The following ZNF254 variants were observed in gnomAD, a reference collection of about 807,000 sequenced individuals.
The protein encoded by ZNF254 is zinc finger protein 254.
ZNF254 carries 10 observed loss-of-function variants against 12.4 expected under a neutral mutation model. The observed-to-expected ratio is 0.80, with a 90% CI of 0.50 to 1.36. The LOEUF (loss-of-function observed/expected upper bound fraction) is 1.36, where lower values mean the gene tolerates loss of function less well. Ranked by LOEUF, ZNF254 falls within the 40% of genes most tolerant of loss-of-function variation. The pLI is 0.00. For missense variants in ZNF254, 996 were observed against 763.9 expected, an observed-to-expected ratio of 1.30 and a Z score of -3.58; for synonymous variants, 305 against 253.4, an observed-to-expected ratio of 1.20 and a Z score of -1.93.
chr19:24,125,529 C>T (rs766916351), intron 3 of ZNF254, among the ~76,000 whole-genome samples: 1 of 151,840 alleles, frequency 6.6e-6, no homozygotes, highest in Admixed American at 6.6e-5. Context: ...AGCTACTTGT[C>T]AAAATCTTAT....
intron 1 of ZNF254, among the ~76,000 whole-genome samples, chr19:24,041,410 A>G (rs1056876082): frequency 2.6e-5 from 4 of 152,252 alleles, no homozygotes; most frequent in African/African-American, 9.6e-5. Context: ...CACTCGGAGC[A>G]GCCAGCCAGC....
At chr19:24,113,356 G>A (rs1973823050) in intron 3 of ZNF254, among the ~76,000 whole-genome samples, 1 of 152,152 alleles carries the variant, frequency 6.6e-6, no homozygotes, top group Admixed American at 6.5e-5. Flanking sequence ...CTTCATCCCT[G>A]GGATGCAGGG....
intron 1 of ZNF254, among the ~76,000 whole-genome samples, chr19:24,087,770 C>CAAA (rs1972116942): frequency 6.6e-6 from 1 of 152,040 alleles, no homozygotes; most frequent in Admixed American, 6.6e-5. Flanking sequence ...AAGAATGATT[C>CAAA]AAAAATTGTA....
At chr19:24,066,737 T>TA (rs1047423326) in intron 2 of ZNF254, 1 of 143,126 alleles carries the variant, frequency 7.0e-6, no homozygotes, top group Non-Finnish European at 1.5e-5. Context: ...ACAAAACAAA[T>TA]AAAACCACAA....
In ZNF254 at chr19:24,127,593, A is replaced by G; in HGVS notation, c.1593A>G (p.Ser531=). 6.2e-7 allele frequency: 1 copy of G among 1,608,074 alleles called. No individual in the cohort carries two copies. The highest frequency in any genetic ancestry group is 1.3e-5 in the African/African-American group (1 of 74,996). The change falls in exon 4 of 4, where the codon TCA becomes TCG. Residue 531 remains serine (S), a synonymous_variant. Transcript: ENST00000357002. ...EECGKAFNWS[S]TLTKHKIIHT... ...GTGGCAAAGCCTTTAACTGGTCCTCAACTCTTACTAAACATAAGATAATTC... is the reference window on the plus strand; with the variant it reads ...GTGGCAAAGCCTTTAACTGGTCCTCGACTCTTACTAAACATAAGATAATTC...
chr19:24,097,599 T>C (rs1436007329), intron 1 of ZNF254, among the ~76,000 whole-genome samples: 2 of 151,936 alleles, frequency 1.3e-5, no homozygotes, highest in East Asian at 1.9e-4. Context: ...CTGACCAACA[T>C]GGAGAAACCC....
At chr19:24,040,375 A>C (rs557666943) in intron 1 of ZNF254, among the ~76,000 whole-genome samples, 29 of 152,230 alleles carry the variant, frequency 1.9e-4, no homozygotes, top group Non-Finnish European at 3.4e-4. Flanking sequence ...TTCTTTCTCA[A>C]TGAAACCAGT....
chr19:24,099,113 C>T (rs1972850751), intron 1 of ZNF254: 1 of 148,880 alleles, frequency 6.7e-6, no homozygotes, highest in Non-Finnish European at 1.5e-5. Flanking sequence ...TCTTCTGCCT[C>T]AGCCTCCGAG....
At chr19:24,091,419 CT>C (rs1418857684) in intron 1 of ZNF254, among the ~76,000 whole-genome samples, 1 of 151,742 alleles carries the variant, frequency 6.6e-6, no homozygotes, top group Non-Finnish European at 1.5e-5. Context: ...TTCCTGAAAA[CT>C]TCAATTCCTT....
intron 1 of ZNF254, among the ~76,000 whole-genome samples, chr19:24,096,190 T>A (rs1362935576): frequency 6.6e-6 from 1 of 151,680 alleles, no homozygotes; most frequent in Non-Finnish European, 1.5e-5. Flanking sequence ...TTTCAAGTAG[T>A]TGGGATTACA....
Position 24,109,522 on chromosome 19 carries a change from A to G in ZNF254, c.253+2879A>G, listed in dbSNP as rs113982082. On this transcript the variant is annotated intron_variant, in intron 3 of 3. Coordinates refer to ENST00000357002, the MANE Select transcript of ZNF254 (RefSeq NM_203282.4). ...ATTTCGTGCATTATAATTTTAGACA[A>G]TCGGCAATTCTGTTTGTATACTTTA... Among the ~76,000 whole-genome samples, 422 of 152,214 alleles carry G rather than the reference A, an allele frequency of 2.8e-3. 1 individual carries two copies. The highest frequency in any genetic ancestry group is 4.8e-3 in the Non-Finnish European group (329 of 68,024).
At chr19:24,088,813 C>A (rs145860532) in intron 1 of ZNF254, among the ~76,000 whole-genome samples, 37 of 151,914 alleles carry the variant, frequency 2.4e-4, no homozygotes, top group African/African-American at 7.2e-4. Flanking sequence ...CCCGCCCCCA[C>A]GCCTGGCTAA....
intron 2 of ZNF254, chr19:24,066,152 T>C (rs942837754): frequency 1.3e-5 from 2 of 152,214 alleles, no homozygotes; most frequent in African/African-American, 4.8e-5. Context: ...CCAGGAGATG[T>C]GACTCTCCTT....
At chr19:24,050,501 A>G (rs939476305) in intron 2 of ZNF254, among the ~76,000 whole-genome samples, 4 of 152,092 alleles carry the variant, frequency 2.6e-5, no homozygotes, top group Non-Finnish European at 4.4e-5. Flanking sequence ...TTACCTGGAC[A>G]TTGACCAAAT....
chr19:24,129,847 T>C lies in ZNF254; in HGVS notation c.*1867T>C, dbSNP rs1054323630. The C allele has an allele frequency of 6.6e-6, 1 of 151,984 alleles. No homozygotes were observed. Among genetic ancestry groups the C allele is most frequent in the Non-Finnish European group, 1.5e-5 (1 of 67,946 alleles). The allele number at this position is 151,984 out of a possible 1,614,324, so 9.4% of individuals were successfully genotyped here. On this transcript the variant is annotated 3_prime_UTR_variant, in exon 4 of 4. Coordinates refer to ENST00000357002, the MANE Select transcript of ZNF254 (RefSeq NM_203282.4). ...AGTTCTGAATAAATATTTTTAAAAA[T>C]TTTAATATATTTTTCTTTGAATATG...
Position 24,126,314 on chromosome 19 carries a change from A to C in ZNF254, c.314A>C (p.Gln105Pro), listed in dbSNP as rs1974831849. ...GAGCAGGGCATGGAAGATTCTTTTCAAAAAGCAATACTGAGAAGATATGGA... is the reference window on the plus strand; with the variant it reads ...GAGCAGGGCATGGAAGATTCTTTTCCAAAAGCAATACTGAGAAGATATGGA... The part of the protein sequence containing the change: ...WPEQGMEDSF[Q>P]KAILRRYGKY... Residue 105 changes from glutamine to proline, a missense_variant, in exon 4 of 4, where the codon CAA becomes CCA. By Grantham distance (76) the Gln-to-Pro change is moderately conservative. Coordinates refer to ENST00000357002, the MANE Select transcript of ZNF254 (RefSeq NM_203282.4). 1 of 1,588,832 alleles carries C rather than the reference A, an allele frequency of 6.3e-7. No homozygotes were observed. Among genetic ancestry groups the C allele is most frequent in the Admixed American group, 1.8e-5 (1 of 55,936 alleles).
At chr19:24,054,241 T>C (rs1001541066) in intron 2 of ZNF254, among the ~76,000 whole-genome samples, 1 of 152,148 alleles carries the variant, frequency 6.6e-6, no homozygotes, top group Non-Finnish European at 1.5e-5. Flanking sequence ...ACACTCCTGC[T>C]TGTTTCCTTC....
In ZNF254 at chr19:24,088,964, C is replaced by CTTTTTTTT. The variant is rs74175785; in HGVS notation, c.30+1649_30+1656dup. 3.0e-5 allele frequency among the ~76,000 whole-genome samples: 3 copies of CTTTTTTTT among 99,292 alleles called. 1 individual carries two copies. Among genetic ancestry groups the CTTTTTTTT allele is most frequent in the African/African-American group, 1.6e-4 (3 of 18,690 alleles). 65.1% of individuals were successfully genotyped at this position (99,292 alleles called of 152,430 possible). A position where few individuals can be genotyped will look rare whatever the true frequency, so the allele number is the denominator to read the frequency against. Reference sequence around the variant, plus strand: ...GAGCCATCTCGCCTGGCCAATTAATCTTTTTTTTTTTTTTTTTTTTTTTTT... The same window carrying CTTTTTTTT: ...GAGCCATCTCGCCTGGCCAATTAATCTTTTTTTTTTTTTTTTTTTTTTTTTTTTTTTTT... On this transcript the variant is annotated intron_variant, in intron 1 of 3. Transcript: ENST00000357002.
chr19:24,057,394 CATT>C (rs1970899368), intron 2 of ZNF254, among the ~76,000 whole-genome samples: 1 of 152,124 alleles, frequency 6.6e-6, no homozygotes, highest in South Asian at 2.1e-4. Context: ...TGGACCCAGT[CATT>C]ATAGAGGTGT....
Sources: gnomAD v4.1 joint callset for allele counts (sites outside exome capture counted in the v4.1 genomes callset) on GRCh38, gnomAD v4.1.1 for gene constraint, MANE v1.5 for transcripts, NCBI Gene and HGNC (gene_info 2026-07-23, HGNC 2026-07-21) for gene names.